Variants in SNTG1 observed in about 807,000 individuals in gnomAD.
The protein encoded by SNTG1 is syntrophin gamma 1.
SNTG1 carries 39 observed loss-of-function variants against 74.7 expected under a neutral mutation model. The observed-to-expected ratio is 0.52, with a 90% confidence interval of 0.40 to 0.68. The LOEUF is 0.68. Among genes scored for constraint, SNTG1 ranks in the 30% least tolerant of loss-of-function variants. The pLI is 0.00. For synonymous variants in SNTG1, 254 were observed against 217.1 expected, an observed-to-expected ratio of 1.17 and a Z score of -1.49; for missense variants, 685 against 609.5, an observed-to-expected ratio of 1.12 and a Z score of -1.30.
chr8:50,730,019 T>C (rs1273479437), intron 17 of SNTG1, among the ~76,000 whole-genome samples: 1 of 151,920 alleles, frequency 6.6e-6, no homozygotes, highest in Admixed American at 6.6e-5. Context: ...ACTGCGATGC[T>C]AAAAAGTAGT....
chr8:50,578,664 T>A (rs776029211), intron 12 of SNTG1, among the ~76,000 whole-genome samples: 3 of 152,118 alleles, frequency 2.0e-5, no homozygotes, highest in Non-Finnish European at 4.4e-5. Flanking sequence ...GCGAGTGAGT[T>A]CTCACAAGAT....
At chr8:50,711,029 G>A (rs895290079) in intron 17 of SNTG1, among the ~76,000 whole-genome samples, 1 of 152,118 alleles carries the variant, frequency 6.6e-6, no homozygotes, top group Non-Finnish European at 1.5e-5. Flanking sequence ...GAGAATGAAA[G>A]TAGGAGCTAT....
At chr8:50,182,469 G>A (rs10957813) in intron 2 of SNTG1, among the ~76,000 whole-genome samples, 46,364 of 151,894 alleles carry the variant, frequency 0.31, 7,201 homozygotes, top group South Asian at 0.43. Flanking sequence ...CATGTAATTA[G>A]TAAGCTGAAA....
intron 1 of SNTG1, among the ~76,000 whole-genome samples, chr8:49,996,888 T>C (rs1342149679): frequency 1.3e-5 from 2 of 152,156 alleles, no homozygotes; most frequent in Non-Finnish European, 2.9e-5. Flanking sequence ...ATAATTATAA[T>C]TGCATAGCCA....
chr8:50,249,700 C>T lies in SNTG1; in HGVS notation c.-28+77065C>T, dbSNP rs7816471. ...GTAGCCTAGGCCTATAATAATCTCA[C>T]ACATCACAATCAAGGGTTGTAACTG... On this transcript the variant is annotated intron_variant, in intron 2 of 18. Transcript: ENST00000642720. 7.1e-3 allele frequency among the ~76,000 whole-genome samples: 1,085 copies of T among 152,256 alleles called. 9 individuals are homozygous for T. The highest frequency in any genetic ancestry group is 0.024 in the African/African-American group (995 of 41,548).
chr8:50,422,673 A>G (rs1267752750), intron 4 of SNTG1, among the ~76,000 whole-genome samples: 1 of 152,064 alleles, frequency 6.6e-6, no homozygotes, highest in Non-Finnish European at 1.5e-5. Context: ...CCTGGGTGGA[A>G]CCACAGGAGT....
At chr8:50,329,596 G>A (rs952566246) in intron 2 of SNTG1, among the ~76,000 whole-genome samples, 5 of 152,012 alleles carry the variant, frequency 3.3e-5, no homozygotes, top group Admixed American at 3.3e-4. Context: ...CTCAAATGCA[G>A]GGCACGAGAT....
chr8:50,508,989 C>T lies in SNTG1; in HGVS notation c.466+6109C>T, dbSNP rs184315234. ...CTTTTGGTGTTTTAGACATGAAGTC[C>T]TTGCCCATGCCTATGTCCTGAATGG... is the stretch of plus-strand genomic sequence containing the variant. On this transcript the variant is annotated intron_variant, in intron 9 of 18. Coordinates refer to ENST00000642720, the MANE Select transcript of SNTG1 (RefSeq NM_018967.5). Among the ~76,000 whole-genome samples the T allele has an allele frequency of 2.0e-3, 301 of 152,190 alleles. 4 individuals carry two copies. Among genetic ancestry groups the T allele is most frequent in the African/African-American group, 6.9e-3 (286 of 41,510 alleles).
chr8:50,583,058 T>C (rs1214562219), intron 12 of SNTG1, among the ~76,000 whole-genome samples: 1 of 152,136 alleles, frequency 6.6e-6, no homozygotes, highest in Non-Finnish European at 1.5e-5. Context: ...ACTTAGATTT[T>C]GTTTCCTTTG....
intron 1 of SNTG1, among the ~76,000 whole-genome samples, chr8:50,107,325 G>A (rs1164702589): frequency 6.6e-6 from 1 of 152,036 alleles, no homozygotes; most frequent in Non-Finnish European, 1.5e-5. Flanking sequence ...TGGCAACATA[G>A]ACAGATAGAT....
At chr8:50,767,876 A>T (rs568481235) in intron 18 of SNTG1, among the ~76,000 whole-genome samples, 8 of 152,020 alleles carry the variant, frequency 5.3e-5, no homozygotes, top group Non-Finnish European at 1.2e-4. Context: ...TTCTACACAC[A>T]TTGGTGTAGC....
chr8:50,283,286 C>T (rs534944547), intron 2 of SNTG1, among the ~76,000 whole-genome samples: 165 of 152,218 alleles, frequency 1.1e-3, no homozygotes, highest in South Asian at 5.4e-3. Flanking sequence ...CCTAGTTCAA[C>T]GGGATGGTTT....
At chr8:50,440,781 G>A (rs1251136741) in intron 5 of SNTG1, among the ~76,000 whole-genome samples, 1 of 152,162 alleles carries the variant, frequency 6.6e-6, no homozygotes, top group African/African-American at 2.4e-5. Context: ...AAGGAAGATG[G>A]TATGTTAGAC....
chr8:49,973,611 AGT>A (rs1437316378), intron 1 of SNTG1, among the ~76,000 whole-genome samples: 1 of 152,184 alleles, frequency 6.6e-6, no homozygotes, highest in East Asian at 1.9e-4. Flanking sequence ...AATATGCATC[AGT>A]GTATCTTATA....
At chr8:50,399,943 G>T (rs749148083) in intron 3 of SNTG1, among the ~76,000 whole-genome samples, 2 of 152,028 alleles carry the variant, frequency 1.3e-5, no homozygotes, top group Non-Finnish European at 2.9e-5. Context: ...TCATGAAAAA[G>T]CTTCTGTTTT....
chr8:50,735,638 T>A (rs2095526525), intron 17 of SNTG1, among the ~76,000 whole-genome samples: 2 of 151,986 alleles, frequency 1.3e-5, no homozygotes, highest in Admixed American at 1.3e-4. Context: ...AGACCAAACC[T>A]ATGATTGATT....
chr8:50,586,803 T>A (rs2094651537), intron 12 of SNTG1, among the ~76,000 whole-genome samples: 1 of 152,018 alleles, frequency 6.6e-6, no homozygotes, highest in South Asian at 2.1e-4. Context: ...GTTGTTTTGA[T>A]GACATTTTAG....
chr8:50,584,964 G>T (rs1211872487), intron 12 of SNTG1, among the ~76,000 whole-genome samples: 19 of 152,100 alleles, frequency 1.2e-4, no homozygotes, highest in Admixed American at 1.2e-3. Context: ...AAAGGAAAGT[G>T]CTCTCAGTCA....
At chr8:50,470,829 C>T (rs1403711568) in intron 8 of SNTG1, among the ~76,000 whole-genome samples, 2 of 152,068 alleles carry the variant, frequency 1.3e-5, no homozygotes, top group African/African-American at 4.8e-5. Flanking sequence ...AGAAGGGGAC[C>T]CCAGGGGTTG....
Sources: allele counts gnomAD v4.1 joint callset (sites outside exome capture counted in the v4.1 genomes callset), GRCh38; gene constraint gnomAD v4.1.1; transcripts MANE v1.5; gene names NCBI Gene and HGNC (gene_info 2026-07-23, HGNC 2026-07-21).